The following PEG3 variants were observed in gnomAD, a reference collection of about 807,000 sequenced individuals.
PEG3 encodes paternally expressed 3.
In PEG3, 23 loss-of-function variants were observed where a neutral mutation model predicts 35.5. The observed-to-expected ratio is 0.65, with a 90% CI of 0.47 to 0.92. The LOEUF (loss-of-function observed/expected upper bound fraction) is 0.92. PEG3 is among the 40% of genes least tolerant of loss of function. The probability of loss-of-function intolerance (pLI) is 0.00; values close to 1 mark genes in which losing one functional copy is unlikely to be tolerated. For missense variants in PEG3, 1,960 were observed against 1,985.3 expected, an observed-to-expected ratio of 0.99 and a Z score of 0.24; for synonymous variants, 707 against 697.0, an observed-to-expected ratio of 1.01 and a Z score of -0.23.
Position 56,817,205 on chromosome 19 carries a change from T to C in PEG3, c.1237A>G (p.Lys413Glu). The C allele has an allele frequency of 6.2e-7, 1 of 1,614,242 alleles. No individual in the cohort carries two copies. Among genetic ancestry groups the C allele is most frequent in the Non-Finnish European group, 8.5e-7 (1 of 1,180,024 alleles). ...SIHDQKGCPRKKPFECGSEMR... is the reference protein window; with the variant it reads ...SIHDQKGCPREKPFECGSEMR... Reference sequence around the variant, plus strand: ...TCACTACCACATTCAAAGGGCTTCTTCCTGGGACAGCCTTTTTGATCGTGA... The same window carrying C: ...TCACTACCACATTCAAAGGGCTTCTCCCTGGGACAGCCTTTTTGATCGTGA... The change falls in exon 10 of 10, where the codon AAG becomes GAG. Residue 413 changes from lysine (K) to glutamate (E), a missense_variant. Physicochemically the swap from Lys to Glu is moderately conservative, Grantham distance 56. This residue lies in a region of PEG3 where 613 missense variants were observed against 577.1 expected (regional missense o/e 1.06). Coordinates refer to ENST00000326441, the MANE Select transcript of PEG3 (RefSeq NM_006210.3).
At position 56,817,345 on chromosome 19, in the gene PEG3, T is replaced by A. The variant is rs1055694991; in HGVS notation, c.1097A>T (p.Tyr366Phe). The change falls in exon 10 of 10, where the codon TAT becomes TTT. Residue 366 changes from tyrosine to phenylalanine, a missense_variant. Tyr to Phe is a conservative substitution (Grantham distance 22, BLOSUM62 3). Around this residue, in one of 5 missense-constraint regions of PEG3, gnomAD observed 613 missense variants for 577.1 expected, o/e 1.06. Coordinates refer to ENST00000326441, the MANE Select transcript of PEG3 (RefSeq NM_006210.3). ...GCCTCCCCTAAATGCATTCCCTTCA[T>A]AAACCCGCTGCTGGATCACTGACTC... is the stretch of plus-strand genomic sequence containing the variant. ...KRESVIQQRV[Y>F]EGNAFRGGFR... 4 of 1,613,980 alleles carry A rather than the reference T, an allele frequency of 2.5e-6. No individual in the cohort carries two copies. The African/African-American group carries it at 5.3e-5, about 22-fold the overall frequency.
rs191079893 is a variant in PEG3 at position 56,812,720 on chromosome 19, T to C, written c.*955A>G. Reference sequence around the variant, plus strand: ...ATTAGGCACTACTGTGATCTAGTGATGGTTGTAACCCATTCTTTAAAGGCA... The same window carrying C: ...ATTAGGCACTACTGTGATCTAGTGACGGTTGTAACCCATTCTTTAAAGGCA... On this transcript the variant is annotated 3_prime_UTR_variant, in exon 10 of 10. Coordinates refer to ENST00000326441, the MANE Select transcript of PEG3 (RefSeq NM_006210.3). 6,001 of 980,534 alleles carry C rather than the reference T, an allele frequency of 6.1e-3. 31 individuals carry two copies. The highest frequency in any genetic ancestry group is 6.8e-3 in the Non-Finnish European group (5,645 of 825,264). The allele number at this position is 980,534 out of a possible 1,614,324, so 60.7% of individuals were successfully genotyped here.
chr19:56,811,501 A>G lies in PEG3; in HGVS notation c.*2174T>C. 1 of 984,830 alleles carries G rather than the reference A, an allele frequency of 1.0e-6. No individual in the cohort carries two copies. The highest frequency in any genetic ancestry group is 1.2e-6 in the Non-Finnish European group (1 of 829,422). The allele number at this position is 984,830 out of a possible 1,614,324, so 61.0% of individuals were successfully genotyped here. On this transcript the variant is annotated 3_prime_UTR_variant, in exon 10 of 10. Transcript: ENST00000326441. ...AAGTGTCCACAGATAGGTTTAAACA[A>G]TCATTCTCTTGTTTACCATTTGTTA... is the stretch of plus-strand genomic sequence containing the variant.
At position 56,811,060 on chromosome 19, in the gene PEG3, A is replaced by G. The variant is rs561621956; in HGVS notation, c.*2615T>C. ...GTGCACAGAAACAAGAATGAACAAG[A>G]TAAGAGGAGAGTATATGTCTTTGGA... On this transcript the variant is annotated 3_prime_UTR_variant, in exon 10 of 10. Coordinates refer to ENST00000326441, the MANE Select transcript of PEG3 (RefSeq NM_006210.3). 1.4e-4 allele frequency: 141 copies of G among 976,828 alleles called. No individual in the cohort carries two copies. The South Asian group carries it at 2.9e-3, about 20-fold the overall frequency. The allele number at this position is 976,828 out of a possible 1,614,324, so 60.5% of individuals were successfully genotyped here.
intron 1 of PEG3, among the ~76,000 whole-genome samples, chr19:56,837,380 A>C (rs925857904): frequency 6.6e-6 from 1 of 152,190 alleles, no homozygotes; most frequent in Non-Finnish European, 1.5e-5. Context: ...CTTCACCAAC[A>C]GAGTCTCCAA....
At chr19:56,839,632 C>T (rs756086008) in intron 1 of PEG3, among the ~76,000 whole-genome samples, 9 of 152,204 alleles carry the variant, frequency 5.9e-5, no homozygotes, top group African/African-American at 2.2e-4. Flanking sequence ...TCAACTAGAA[C>T]AGCGCCTACT....
chr19:56,811,259 A>G lies in PEG3; in HGVS notation c.*2416T>C. 1 of 942,148 alleles carries G rather than the reference A, an allele frequency of 1.1e-6. No individual in the cohort carries two copies. The highest frequency in any genetic ancestry group is 1.3e-6 in the Non-Finnish European group (1 of 790,786). 58.4% of individuals were successfully genotyped at this position (942,148 alleles called of 1,614,324 possible). ...GCTCAACTATAAGCCTACAACAACA[A>G]CACCACAACAGCTTTTGACTATAAG... On this transcript the variant is annotated 3_prime_UTR_variant, in exon 10 of 10. Coordinates refer to ENST00000326441, the MANE Select transcript of PEG3 (RefSeq NM_006210.3).
At chr19:56,837,739 C>T (rs2062335758) in intron 1 of PEG3, among the ~76,000 whole-genome samples, 1 of 152,234 alleles carries the variant, frequency 6.6e-6, no homozygotes, top group Admixed American at 6.5e-5. Flanking sequence ...CACGGCTCTA[C>T]GGCCCTGCCT....
At chr19:56,836,146 C>A in intron 1 of PEG3, 42 bp from the exon 2 acceptor site, 1 of 447,626 alleles carries the variant, frequency 2.2e-6, no homozygotes, top group East Asian at 7.0e-5. Flanking sequence ...GTTTATTTTG[C>A]AGTTACTGGG....
At chr19:56,824,210 A>G in intron 4 of PEG3, 52 bp downstream of exon 4, 1 of 1,582,484 alleles carries the variant, frequency 6.3e-7, no homozygotes, top group Non-Finnish European at 8.6e-7. Context: ...TGAGAGCCCC[A>G]GGGGACACCT....
chr19:56,822,855 C>T lies in PEG3; in HGVS notation c.482-19G>A, dbSNP rs558098601. On this transcript the variant is annotated intron_variant, in intron 5 of 9. Transcript: ENST00000326441. ...CGGTCACCTAAGCAGGTGAGACATT[C>T]CAGTGGTTAACAAAGCTCTTTGACA... The T allele has an allele frequency of 1.1e-5, 18 of 1,609,960 alleles. 1 individual carries two copies. Among genetic ancestry groups the T allele is most frequent in the Non-Finnish European group, 1.5e-5 (18 of 1,178,226 alleles).
Position 56,817,507 on chromosome 19 carries a change from C to A in PEG3, c.935G>T (p.Gly312Val). 1 of 1,610,676 alleles carries A rather than the reference C, an allele frequency of 6.2e-7. No individual in the cohort carries two copies. The highest frequency in any genetic ancestry group is 8.5e-7 in the Non-Finnish European group (1 of 1,177,764). ...CTTGATGAATTTTTCCATTATCACT[C>A]CGTGGGAAGATTCATCTTCACAAAT... ...RGICEDESSH[G>V]VIMEKFIKDV... Residue 312 changes from glycine to valine, a missense_variant, in exon 10 of 10, where the codon GGA becomes GTA. Gly to Val is a moderately radical substitution (Grantham distance 109). This residue lies in a region of PEG3 where 613 missense variants were observed against 577.1 expected (regional missense o/e 1.06). Coordinates refer to ENST00000326441, the MANE Select transcript of PEG3 (RefSeq NM_006210.3).
rs530969342 is a variant in PEG3, at chr19:56,813,818, A to G, written c.4624T>C (p.Cys1542Arg). 1.2e-6 allele frequency: 2 copies of G among 1,613,800 alleles called. No homozygotes were observed. Among genetic ancestry groups the G allele is most frequent in the East Asian group, 4.5e-5 (2 of 44,858 alleles). The change falls in exon 10 of 10, where the codon TGC (cysteine) becomes CGC (arginine). Residue 1542 changes from cysteine (C) to arginine (R), a missense_variant. This residue lies in a region of PEG3 where 416 missense variants were observed against 416.7 expected (regional missense o/e 1.00). Coordinates refer to ENST00000326441, the MANE Select transcript of PEG3 (RefSeq NM_006210.3). ...CTGGCACGTTCGATGTAGCCTGAGC[A>G]CTCCCCAAAGGCATTTGCAGGCTCA... ...IFEPANAFGE[C>R]SGYIERASTS...
intron 9 of PEG3, 53 bp downstream of exon 9, chr19:56,817,693 G>C (rs371053432): frequency 6.4e-7 from 1 of 1,561,600 alleles, no homozygotes; most frequent in Non-Finnish European, 8.8e-7. Flanking sequence ...GAAGTTCCTT[G>C]ATAGCATCTC....
intron 3 of PEG3, among the ~76,000 whole-genome samples, chr19:56,825,157 C>T (rs1310453655): frequency 1.3e-5 from 2 of 152,198 alleles, no homozygotes; most frequent in East Asian, 1.9e-4. Flanking sequence ...TAAAATCAGA[C>T]GTCAGCACGT....
chr19:56,824,648 G>C lies in PEG3; in HGVS notation c.8C>G (p.Pro3Arg), dbSNP rs754470044. The change falls in exon 4 of 10, where the codon CCT (proline) becomes CGT (arginine). Residue 3 changes from proline to arginine, a missense_variant. Physicochemically the swap from Pro to Arg is moderately radical, Grantham distance 103. This residue lies in a region of PEG3 where 613 missense variants were observed against 577.1 expected (regional missense o/e 1.06). Transcript: ENST00000326441. MLPPKHLSATKPK... is the reference protein window; with the variant it reads MLRPKHLSATKPK... ...TTTGGTGGCAGACAAGTGCTTTGGA[G>C]GCAGCATTTCTCTAAGTAAAATTTT... The C allele has an allele frequency of 6.3e-7, 1 of 1,595,304 alleles. No homozygotes were observed. The highest frequency in any genetic ancestry group is 8.6e-7 in the Non-Finnish European group (1 of 1,167,996).
chr19:56,822,494 C>A, intron 6 of PEG3: 1 of 339,542 alleles, frequency 2.9e-6, no homozygotes, highest in Non-Finnish European at 4.9e-6. Context: ...CAGAAACTTC[C>A]AGTTTTTTTT....
chr19:56,823,629 T>C lies in PEG3; in HGVS notation c.445A>G (p.Arg149Gly). 1.2e-6 allele frequency: 2 copies of C among 1,614,182 alleles called. No individual in the cohort carries two copies. The highest frequency in any genetic ancestry group is 1.6e-4 in the Middle Eastern group (1 of 6,062). Residue 149 changes from arginine to glycine, a missense_variant, in exon 5 of 10, where the codon AGA (arginine) becomes GGA (glycine). By Grantham distance (125) the Arg-to-Gly change is moderately radical (BLOSUM62 -2). Transcript: ENST00000326441. ...ACTGAGTGAGGTGGTGAGGACTCTC[T>C]TCTGTTCCGGGTCATGTCGTCGTCG... ...TSDDDMTRNR[R>G]ESSPPHSVHS... is the part of the protein sequence containing the mutation.
intron 2 of PEG3, among the ~76,000 whole-genome samples, chr19:56,828,885 G>C (rs1456552317): frequency 6.6e-6 from 1 of 152,188 alleles, no homozygotes; most frequent in African/African-American, 2.4e-5. Context: ...ATTGATGCTA[G>C]TGAGGGTGTA....
Sources: gnomAD v4.1 joint callset for allele counts (sites outside exome capture counted in the v4.1 genomes callset) on GRCh38, gnomAD v4.1.1 for gene constraint, gnomAD v4.1.1 regional missense constraint, MANE v1.5 for transcripts, NCBI Gene and HGNC (gene_info 2026-07-23, HGNC 2026-07-21) for gene names.